Variants in RPS6KC1 observed in about 807,000 individuals in gnomAD.
The protein encoded by RPS6KC1 is inactive ribosomal protein S6 kinase delta-1.
A neutral mutation model predicts 103.8 loss-of-function variants in RPS6KC1; 54 were observed. The ratio of observed to expected loss-of-function variants is 0.52; its 90% CI spans 0.42 to 0.65. The LOEUF is 0.65. Ranked by LOEUF, RPS6KC1 falls within the 30% of genes least tolerant of loss-of-function variation. The probability of loss-of-function intolerance (pLI) is 0.00; values close to 1 mark genes in which losing one functional copy is unlikely to be tolerated. For synonymous variants in RPS6KC1, 439 were observed against 438.7 expected (o/e 1.00, Z -0.01); for missense variants, 1,151 against 1,253.8 (o/e 0.92, Z 1.24).
the RPS6KC1 span, among the ~76,000 whole-genome samples, chr1:213,804,191 A>AAAAC: frequency 1.5e-4 from 23 of 150,496 alleles, no homozygotes; most frequent in African/African-American, 5.4e-4. Context: ...AAAAAAAAAA[A>AAAAC]AAAAAAACAA....
chr1:213,086,855 T>TA (rs907504719), intron 3 of RPS6KC1, among the ~76,000 whole-genome samples: 2 of 152,186 alleles, frequency 1.3e-5, no homozygotes, highest in African/African-American at 2.4e-5. Context: ...ATTATATAGA[T>TA]ATACATATAT....
At chr1:213,599,443 AAAAG>A in the RPS6KC1 span, among the ~76,000 whole-genome samples, 1 of 151,636 alleles carries the variant, frequency 6.6e-6, no homozygotes, top group Non-Finnish European at 1.5e-5. Flanking sequence ...GAAAAAAAAA[AAAAG>A]AGTGTCACTT....
At chr1:213,252,742 ATATT>A (rs1322881345) in intron 12 of RPS6KC1, among the ~76,000 whole-genome samples, 1 of 152,162 alleles carries the variant, frequency 6.6e-6, no homozygotes, top group Non-Finnish European at 1.5e-5. Flanking sequence ...TTAGAAAACT[ATATT>A]TATCTTTCAC....
At chr1:213,401,418 ATG>A in the RPS6KC1 span, among the ~76,000 whole-genome samples, 2 of 152,152 alleles carry the variant, frequency 1.3e-5, no homozygotes, top group Non-Finnish European at 2.9e-5. Flanking sequence ...TGACACCCAG[ATG>A]TTTTCACAAT....
At chr1:213,192,463 T>G (rs1246474909) in intron 8 of RPS6KC1, among the ~76,000 whole-genome samples, 1 of 152,198 alleles carries the variant, frequency 6.6e-6, no homozygotes, top group Non-Finnish European at 1.5e-5. Context: ...TGGTGTTCTT[T>G]AAATGTTTGG....
At chr1:213,553,512 T>G in the RPS6KC1 span, among the ~76,000 whole-genome samples, 1 of 152,170 alleles carries the variant, frequency 6.6e-6, no homozygotes. Context: ...ATATTCCTTT[T>G]GGTATATGCC....
chr1:213,066,287 A>G (rs1006129814), intron 1 of RPS6KC1, among the ~76,000 whole-genome samples: 7 of 152,364 alleles, frequency 4.6e-5, no homozygotes, highest in Admixed American at 4.6e-4. Context: ...AGCACCAAAG[A>G]GGAAAGAGAA....
At chr1:213,738,850 A>AATC in the RPS6KC1 span, among the ~76,000 whole-genome samples, 3 of 40,146 alleles carry the variant, frequency 7.5e-5, no homozygotes, top group African/African-American at 2.1e-4. Context: ...ATAAATAAAT[A>AATC]AATAAATAAA....
At chr1:213,776,436 GGGTGACCA>G in the RPS6KC1 span, among the ~76,000 whole-genome samples, 3 of 152,170 alleles carry the variant, frequency 2.0e-5, no homozygotes, top group African/African-American at 4.8e-5. Flanking sequence ...CAGAGCTCCT[GGGTGACCA>G]GGTGCATTGT....
the RPS6KC1 span, among the ~76,000 whole-genome samples, chr1:213,522,429 C>A: frequency 6.6e-6 from 1 of 152,172 alleles, no homozygotes; most frequent in African/African-American, 2.4e-5. Flanking sequence ...GGTCAATGAG[C>A]ATTGGCTTCC....
At chr1:213,127,448 T>G (rs544177828) in intron 5 of RPS6KC1, among the ~76,000 whole-genome samples, 1 of 152,214 alleles carries the variant, frequency 6.6e-6, no homozygotes, top group African/African-American at 2.4e-5. Flanking sequence ...GAATTATACA[T>G]AAAGCACTCT....
the RPS6KC1 span, among the ~76,000 whole-genome samples, chr1:213,570,998 C>T: frequency 2.6e-5 from 4 of 152,290 alleles, no homozygotes; most frequent in Non-Finnish European, 4.4e-5. Flanking sequence ...CAGCAGAATA[C>T]GTTAAATAAA....
At chr1:213,113,846 G>T (rs928921607) in intron 4 of RPS6KC1, among the ~76,000 whole-genome samples, 1,960 of 152,152 alleles carry the variant, frequency 0.013, 23 homozygotes, top group Non-Finnish European at 0.019. Flanking sequence ...TTTTTCTCAG[G>T]TTTGTCAAAG....
At chr1:213,658,683 A>T in the RPS6KC1 span, among the ~76,000 whole-genome samples, 1 of 152,354 alleles carries the variant, frequency 6.6e-6, no homozygotes, top group African/African-American at 2.4e-5. Flanking sequence ...ATCAAACGTT[A>T]TTCTGGATTG....
the RPS6KC1 span, among the ~76,000 whole-genome samples, chr1:213,622,036 ACTCT>A: frequency 6.6e-6 from 1 of 150,990 alleles, no homozygotes; most frequent in African/African-American, 2.4e-5. Flanking sequence ...GAGTTCCCCA[ACTCT>A]CTCACCTCCT....
At chr1:213,771,679 C>T in the RPS6KC1 span, among the ~76,000 whole-genome samples, 1 of 152,160 alleles carries the variant, frequency 6.6e-6, no homozygotes. Flanking sequence ...ACACAAAACA[C>T]CTTTATATTA....
chr1:213,724,172 CT>C, the RPS6KC1 span, among the ~76,000 whole-genome samples: 1 of 152,202 alleles, frequency 6.6e-6, no homozygotes, highest in Non-Finnish European at 1.5e-5. Context: ...ACTGCAACCT[CT>C]GCCTCCTGGG....
intron 6 of RPS6KC1, among the ~76,000 whole-genome samples, chr1:213,161,812 A>G (rs2090497986): frequency 1.3e-5 from 2 of 152,210 alleles, no homozygotes; most frequent in African/African-American, 4.8e-5. Context: ...GTTATCAGTA[A>G]TTGTCTTGAT....
chr1:213,179,596 C>G (rs907773372), intron 8 of RPS6KC1, among the ~76,000 whole-genome samples: 1 of 152,100 alleles, frequency 6.6e-6, no homozygotes, highest in African/African-American at 2.4e-5. Flanking sequence ...ATATATTGAT[C>G]TAGTCCTACA....
Sources: gnomAD v4.1 joint callset for allele counts (sites outside exome capture counted in the v4.1 genomes callset) on GRCh38, gnomAD v4.1.1 for gene constraint, MANE v1.5 for transcripts, NCBI Gene and HGNC (gene_info 2026-07-23, HGNC 2026-07-21) for gene names.